YY1: variants seen among roughly 807,000 people sequenced by gnomAD.
YY1 encodes the protein YY1 transcription factor, also known as transcriptional repressor protein YY1.
Under a neutral mutation model 35.6 loss-of-function variants are expected in YY1, and 2 were observed. The ratio of observed to expected loss-of-function variants is 0.06; its 90% CI spans 0.02 to 0.18. YY1 has a LOEUF of 0.18. YY1 is among the 10% of genes least tolerant of loss of function. The pLI, the probability that YY1 is intolerant of heterozygous loss-of-function variation, is 1.00. For synonymous variants in YY1, 268 were observed against 238.9 expected, an observed-to-expected ratio of 1.12 and a Z score of -1.12; for missense variants, 322 against 573.4, an observed-to-expected ratio of 0.56 and a Z score of 4.48.
chr14:100,239,742 G>C lies in YY1; in HGVS notation c.498G>C (p.Ser166=), dbSNP rs1410416877. ...AGKSGGGGSS[S]SGGGRVKKGG... ...AGAGCGGCGGCGGCGGCTCGTCGTC[G>C]TCGGGAGGCGGCCGCGTCAAGAAGG... Residue 166 remains serine (S), a synonymous_variant, in exon 1 of 5, where the codon TCG becomes TCC. Transcript: ENST00000262238. 1 of 1,588,532 alleles carries C rather than the reference G, an allele frequency of 6.3e-7. No homozygotes were observed. The highest frequency in any genetic ancestry group is 8.5e-7 in the Non-Finnish European group (1 of 1,171,992).
intron 1 of YY1, among the ~76,000 whole-genome samples, chr14:100,249,758 T>TG (rs1555369500): frequency 7.6e-5 from 3 of 39,554 alleles, no homozygotes; most frequent in South Asian, 1.1e-3. Flanking sequence ...GTTTTTTTTT[T>TG]TGTTTGTTTT....
intron 2 of YY1, 43 bp downstream of exon 2, chr14:100,262,509 C>T: frequency 6.3e-7 from 1 of 1,595,770 alleles, no homozygotes; most frequent in Non-Finnish European, 8.6e-7. Flanking sequence ...ATAGAAAGTG[C>T]TTGAGTCTTG....
intron 1 of YY1, among the ~76,000 whole-genome samples, chr14:100,259,316 C>A (rs192379783): frequency 1.3e-5 from 2 of 152,074 alleles, no homozygotes; most frequent in African/African-American, 4.8e-5. Context: ...GTCAAGAGAT[C>A]GAGACCATCC....
At chr14:100,275,248 G>C (rs1891301928) in intron 3 of YY1, among the ~76,000 whole-genome samples, 1 of 152,136 alleles carries the variant, frequency 6.6e-6, no homozygotes, top group Admixed American at 6.5e-5. Context: ...ATATTTGTTG[G>C]GGGCTATTTT....
rs1005803091 is a variant in YY1, at chr14:100,280,727, T to C, written c.*3127T>C. 4 of 152,118 alleles carry C rather than the reference T, an allele frequency of 2.6e-5. No individual in the cohort carries two copies. The allele number at this position is 152,118 out of a possible 1,614,324, so 9.4% of individuals were successfully genotyped here. A position where few individuals can be genotyped will look rare whatever the true frequency, so the allele number is the denominator to read the frequency against. On this transcript the variant is annotated 3_prime_UTR_variant, in exon 5 of 5. Transcript: ENST00000262238. ...TCCGTGTTTCCAAGCAGAGTTCAAG[T>C]TCATGTCTTCACAAGTAGATGAGAG...
Position 100,252,614 on chromosome 14 carries a change from ACC to A in YY1, c.680-9686_680-9685del, listed in dbSNP as rs149000157. ...ACATGATGGTTGCCCACATCACCTT[ACC>A]CCCTTTGAATCAATGACTGTATTCT... On this transcript the variant is annotated intron_variant, in intron 1 of 4. Coordinates refer to ENST00000262238, the MANE Select transcript of YY1 (RefSeq NM_003403.5). 5.3e-3 allele frequency among the ~76,000 whole-genome samples: 799 copies of A among 152,116 alleles called. 8 individuals carry two copies. The highest frequency in any genetic ancestry group is 0.018 in the African/African-American group (752 of 41,486).
rs1319394671 is a variant in YY1, at chr14:100,239,774, G to A, written c.530G>A (p.Gly177Asp). Residue 177 changes from glycine to aspartate, a missense_variant, in exon 1 of 5, where the codon GGC becomes GAC. By Grantham distance (94) the Gly-to-Asp change is moderately conservative. Around this residue, in one of 4 missense-constraint regions of YY1, gnomAD observed 152 missense variants for 167.1 expected, o/e 0.91. Coordinates refer to ENST00000262238, the MANE Select transcript of YY1 (RefSeq NM_003403.5). ...GGCGGCCGCGTCAAGAAGGGCGGCGGCAAGAAGAGCGGCAAGAAGAGTTAC... is the reference window on the plus strand; with the variant it reads ...GGCGGCCGCGTCAAGAAGGGCGGCGACAAGAAGAGCGGCAAGAAGAGTTAC... ...SGGGRVKKGG[G>D]KKSGKKSYLS... The A allele has an allele frequency of 2.6e-6, 4 of 1,567,048 alleles. No homozygotes were observed. The highest frequency in any genetic ancestry group is 3.4e-6 in the Non-Finnish European group (4 of 1,159,610).
intron 2 of YY1, among the ~76,000 whole-genome samples, chr14:100,274,164 C>T (rs1314287920): frequency 1.3e-5 from 2 of 152,186 alleles, no homozygotes; most frequent in Non-Finnish European, 2.9e-5. Flanking sequence ...CTTCTGTACC[C>T]TTTAAAATGA....
chr14:100,240,454 G>A (rs1566766579), intron 1 of YY1, among the ~76,000 whole-genome samples: 1 of 144,558 alleles, frequency 6.9e-6, no homozygotes, highest in African/African-American at 2.5e-5. Flanking sequence ...CGCTTGCCCC[G>A]CCCGCCCCCA....
intron 1 of YY1, 78 bp from the exon 2 acceptor site, chr14:100,262,226 A>T: frequency 6.6e-7 from 1 of 1,509,026 alleles, no homozygotes; most frequent in Non-Finnish European, 9.1e-7. Context: ...CCCATTTAAG[A>T]AGTTACTGGT....
At position 100,279,092 on chromosome 14, in the gene YY1, A is replaced by G. The variant is rs1010917098; in HGVS notation, c.*1492A>G. 7.9e-5 allele frequency: 12 copies of G among 152,228 alleles called. No individual in the cohort carries two copies. The highest frequency in any genetic ancestry group is 2.7e-4 in the African/African-American group (11 of 41,458). The allele number at this position is 152,228 out of a possible 1,614,324, so 9.4% of individuals were successfully genotyped here. A position where few individuals can be genotyped will look rare whatever the true frequency, so the allele number is the denominator to read the frequency against. On this transcript the variant is annotated 3_prime_UTR_variant, in exon 5 of 5. Transcript: ENST00000262238. ...TTAGATTATTAGAAAATTCTGCTCA[A>G]TGAGTACCTCTCACATTGTAACCTC...
At position 100,281,068 on chromosome 14, in the gene YY1, A is replaced by AG; in HGVS notation, c.*3468_*3469insG. The AG allele has an allele frequency of 7.3e-6, 1 of 136,616 alleles. No individual in the cohort carries two copies. Among genetic ancestry groups the AG allele is most frequent in the Non-Finnish European group, 1.7e-5 (1 of 60,564 alleles). The allele number at this position is 136,616 out of a possible 1,614,324, so 8.5% of individuals were successfully genotyped here. On this transcript the variant is annotated 3_prime_UTR_variant, in exon 5 of 5. Transcript: ENST00000262238. The stretch of plus-strand genomic sequence containing the variant: ...GAGCAAGACTCCGTCTCCCAAAAAA[A>AG]AAAAAAAAAAAAAAAAAAAGGAAAC...
intron 2 of YY1, among the ~76,000 whole-genome samples, chr14:100,269,892 G>A (rs914794170): frequency 2.0e-5 from 3 of 152,078 alleles, no homozygotes; most frequent in Non-Finnish European, 2.9e-5. Flanking sequence ...CAAACCAAGA[G>A]TTGGGTAAAT....
chr14:100,269,189 G>A (rs538325347), intron 2 of YY1, among the ~76,000 whole-genome samples: 3 of 152,186 alleles, frequency 2.0e-5, no homozygotes, highest in South Asian at 2.1e-4. Flanking sequence ...GTCCTTTATC[G>A]AAGGGTGGTT....
At chr14:100,271,107 C>A (rs946342386) in intron 2 of YY1, among the ~76,000 whole-genome samples, 1 of 151,950 alleles carries the variant, frequency 6.6e-6, no homozygotes, top group African/African-American at 2.4e-5. Context: ...ATTAGCCGGG[C>A]ATAGTGGCGG....
Position 100,276,447 on chromosome 14 carries a change from C to G in YY1, c.904-43C>G. Reference sequence around the variant, plus strand: ...TGTTAAATGGTTGAATCCTTTCTAACAGTTTGCAATGTGAACTTCTAAGCT... The same window carrying G: ...TGTTAAATGGTTGAATCCTTTCTAAGAGTTTGCAATGTGAACTTCTAAGCT... On this transcript the variant is annotated intron_variant, in intron 3 of 4. Transcript: ENST00000262238. This position sits in a 1 kb window ranked among gnomAD's most constrained non-coding sequence, Gnocchi z 4.1. 6.2e-7 allele frequency: 1 copy of G among 1,613,982 alleles called. No individual in the cohort carries two copies. The highest frequency in any genetic ancestry group is 8.5e-7 in the Non-Finnish European group (1 of 1,179,888).
chr14:100,277,309 A>C lies in YY1; in HGVS notation c.1063-109A>C. On this transcript the variant is annotated intron_variant, in intron 4 of 4. Transcript: ENST00000262238. This position sits in a 1 kb window ranked among gnomAD's most constrained non-coding sequence, Gnocchi z 5.6. Reference sequence around the variant, plus strand: ...AAGTTCACCCAGGGCAGGAATGAAAAGTGTTTGGTAAAATAAATAGGCTGT... The same window carrying C: ...AAGTTCACCCAGGGCAGGAATGAAACGTGTTTGGTAAAATAAATAGGCTGT... 7.4e-7 allele frequency: 1 copy of C among 1,358,650 alleles called. No individual in the cohort carries two copies. Among genetic ancestry groups the C allele is most frequent in the Non-Finnish European group, 1.0e-6 (1 of 957,192 alleles). 84.2% of individuals were successfully genotyped at this position (1,358,650 alleles called of 1,614,324 possible). A position where few individuals can be genotyped will look rare whatever the true frequency, so the allele number is the denominator to read the frequency against.
At position 100,276,258 on chromosome 14, in the gene YY1, A is replaced by C. The variant is rs1891316046; in HGVS notation, c.904-232A>C. The C allele has an allele frequency of 1.8e-6, 1 of 558,234 alleles. No homozygotes were observed. Among genetic ancestry groups the C allele is most frequent in the African/African-American group, 1.9e-5 (1 of 52,748 alleles). The allele number at this position is 558,234 out of a possible 1,614,324, so 34.6% of individuals were successfully genotyped here. On this transcript the variant is annotated intron_variant, in intron 3 of 4. Coordinates refer to ENST00000262238, the MANE Select transcript of YY1 (RefSeq NM_003403.5). This position sits in a 1 kb window ranked among gnomAD's most constrained non-coding sequence, Gnocchi z 4.1. ...GGCAAGTCTACTTAAAGACATCTCT[A>C]AGCCTCAGTTTCCTCATCTGTAAAA...
intron 1 of YY1, among the ~76,000 whole-genome samples, chr14:100,244,104 T>A (rs1431597921): frequency 7.0e-6 from 1 of 142,168 alleles, no homozygotes; most frequent in African/African-American, 2.7e-5. Context: ...CAAGACTCCG[T>A]CTCCAAAAAA....
Sources: allele counts gnomAD v4.1 joint callset (sites outside exome capture counted in the v4.1 genomes callset), GRCh38; gene constraint gnomAD v4.1.1; regional missense constraint gnomAD v4.1.1; non-coding constraint Gnocchi (gnomAD v3.1); transcripts MANE v1.5; gene names NCBI Gene and HGNC (gene_info 2026-07-23, HGNC 2026-07-21).